The following RNF6 variants were observed in gnomAD, a reference collection of about 807,000 sequenced individuals.
RNF6 encodes the protein E3 ubiquitin-protein ligase RNF6.
A neutral mutation model predicts 50.1 loss-of-function variants in RNF6; 21 were observed. That is an observed-to-expected ratio of 0.42 (90% CI 0.30 to 0.60). RNF6 has a LOEUF of 0.60. Among genes scored for constraint, RNF6 ranks in the 20% least tolerant of loss-of-function variants. The pLI, the probability that RNF6 is intolerant of heterozygous loss-of-function variation, is 0.20. For synonymous variants in RNF6, 255 were observed against 291.8 expected (o/e 0.87, Z 1.29); for missense variants, 698 against 838.2 (o/e 0.83, Z 2.07).
At chr13:26,157,081 A>G (rs1871965817) in intron 5 of RNF6, among the ~76,000 whole-genome samples, 1 of 152,172 alleles carries the variant, frequency 6.6e-6, no homozygotes, top group South Asian at 2.1e-4. Context: ...GAAACGGGGA[A>G]TGACTGCTAG....
chr13:26,196,317 C>G (rs1166868845), intron 5 of RNF6, among the ~76,000 whole-genome samples: 1 of 152,046 alleles, frequency 6.6e-6, no homozygotes, highest in Non-Finnish European at 1.5e-5. Flanking sequence ...AATGCTATAT[C>G]CAACAACAAC....
At chr13:26,146,002 C>A (rs183245097) in intron 5 of RNF6, among the ~76,000 whole-genome samples, 142 of 152,314 alleles carry the variant, frequency 9.3e-4, no homozygotes, top group African/African-American at 3.2e-3. Flanking sequence ...CCATTGATCA[C>A]CTGACCTCTA....
intron 5 of RNF6, among the ~76,000 whole-genome samples, chr13:26,203,878 G>A (rs917775839): frequency 5.3e-5 from 8 of 152,256 alleles, no homozygotes; most frequent in African/African-American, 7.2e-5. Context: ...GCGTGAACCC[G>A]GGAGGCGGAG....
chr13:26,209,550 A>G (rs1455865547), downstream of RNF6, among the ~76,000 whole-genome samples: 1 of 152,218 alleles, frequency 6.6e-6, no homozygotes, highest in Non-Finnish European at 1.5e-5. Context: ...AGAAGTCACA[A>G]ACCTGATCAG....
intron 5 of RNF6, among the ~76,000 whole-genome samples, chr13:26,138,161 CA>C (rs1261792681): frequency 6.6e-6 from 1 of 152,152 alleles, no homozygotes; most frequent in East Asian, 1.9e-4. Flanking sequence ...GCTAATTTCT[CA>C]GCAGAAACTT....
In RNF6 at chr13:26,174,616, C is replaced by A. The variant is rs531222705; in HGVS notation, n.768+40858G>T. On this transcript the variant is annotated intron_variant and non_coding_transcript_variant, in intron 5 of 5. Transcript: ENST00000468480. ...AGGCGGAGACTCAAAAAAAAGAAAA[C>A]AAACCCCAAAATATTGAAACAAAGT... Among the ~76,000 whole-genome samples, 574 of 151,892 alleles carry A rather than the reference C, an allele frequency of 3.8e-3. 1 individual carries two copies. The highest frequency in any genetic ancestry group is 6.1e-3 in the Non-Finnish European group (412 of 67,934).
At chr13:26,189,243 G>A (rs1404706165) in intron 5 of RNF6, among the ~76,000 whole-genome samples, 3 of 151,976 alleles carry the variant, frequency 2.0e-5, no homozygotes, top group Admixed American at 6.6e-5. Flanking sequence ...CAGGAGAATC[G>A]CTTGAACCCG....
At chr13:26,168,148 A>G (rs979603184) in intron 5 of RNF6, among the ~76,000 whole-genome samples, 9 of 152,202 alleles carry the variant, frequency 5.9e-5, no homozygotes, top group African/African-American at 2.2e-4. Flanking sequence ...AATCCCCATG[A>G]CAAGAGTTTC....
At chr13:26,167,775 A>G (rs1480264600) in intron 5 of RNF6, among the ~76,000 whole-genome samples, 1 of 152,264 alleles carries the variant, frequency 6.6e-6, no homozygotes, top group Non-Finnish European at 1.5e-5. Flanking sequence ...ACTATTCATA[A>G]TAGCAAAGAC....
chr13:26,187,386 G>A (rs1431778121), intron 5 of RNF6, among the ~76,000 whole-genome samples: 1 of 152,244 alleles, frequency 6.6e-6, no homozygotes, highest in Non-Finnish European at 1.5e-5. Flanking sequence ...GATGTCCAGT[G>A]TGAGAATGTC....
chr13:26,214,222 C>T lies in RNF6; in HGVS notation c.1660G>A (p.Glu554Lys), dbSNP rs1421398633. ...GDSTEMHGEN[E>K]TTQPHTRNSD... ...TTTCGAGTATGAGGCTGGGTGGTCT[C>T]GTTTTCACCATGCATTTCAGTGCTG... Residue 554 changes from glutamate (E) to lysine (K), a missense_variant, in exon 5 of 5, where the codon GAG becomes AAG. Transcript: ENST00000381588. 6.2e-7 allele frequency: 1 copy of T among 1,614,148 alleles called. No homozygotes were observed. The highest frequency in any genetic ancestry group is 8.5e-7 in the Non-Finnish European group (1 of 1,180,034).
chr13:26,211,702 G>A (rs34068231), downstream of RNF6, among the ~76,000 whole-genome samples: 61,191 of 151,564 alleles, frequency 0.4, 14,008 homozygotes, highest in Middle Eastern at 0.52. Context: ...AGGTTGCAGC[G>A]AGCCGAGATA....
chr13:26,169,331 A>G (rs1593163065), intron 5 of RNF6, among the ~76,000 whole-genome samples: 1 of 152,166 alleles, frequency 6.6e-6, no homozygotes, highest in South Asian at 2.1e-4. Flanking sequence ...GGCAAGGAGT[A>G]GGGAAAGACG....
At chr13:26,194,885 A>G (rs1279486368) in intron 5 of RNF6, among the ~76,000 whole-genome samples, 1 of 152,118 alleles carries the variant, frequency 6.6e-6, no homozygotes, top group African/African-American at 2.4e-5. Flanking sequence ...CTGGCAGCTG[A>G]TTAGAAGGTG....
At position 26,212,948 on chromosome 13, in the gene RNF6, A is replaced by G. The variant is rs1830; in HGVS notation, c.*876T>C. The G allele has an allele frequency of 0.41, 62,743 of 152,178 alleles. 14,552 individuals are homozygous for G. The highest frequency in any genetic ancestry group is 0.52 in the Middle Eastern group (153 of 294). The allele number at this position is 152,178 out of a possible 1,614,324, so 9.4% of individuals were successfully genotyped here. ...TCTTTATAGACTTTTAGATTTTAAAACTAAATTTGAGAAACCATGCATACT... is the reference window on the plus strand; with the variant it reads ...TCTTTATAGACTTTTAGATTTTAAAGCTAAATTTGAGAAACCATGCATACT... On this transcript the variant is annotated 3_prime_UTR_variant, in exon 5 of 5. Coordinates refer to ENST00000381588, the MANE Select transcript of RNF6 (RefSeq NM_005977.4).
chr13:26,219,715 C>T, intron 2 of RNF6, 48 bp from the exon 3 acceptor site: 1 of 1,477,842 alleles, frequency 6.8e-7, no homozygotes, highest in Non-Finnish European at 9.1e-7. Flanking sequence ...TCATGGACCA[C>T]ATTTGGCTTT....
At chr13:26,167,857 A>C (rs1367738311) in intron 5 of RNF6, among the ~76,000 whole-genome samples, 1 of 152,252 alleles carries the variant, frequency 6.6e-6, no homozygotes, top group Non-Finnish European at 1.5e-5. Flanking sequence ...ATGGGATACT[A>C]TGCAGCCATA....
At chr13:26,143,878 T>A (rs301070) in intron 5 of RNF6, among the ~76,000 whole-genome samples, 1 of 152,060 alleles carries the variant, frequency 6.6e-6, no homozygotes, top group African/African-American at 2.4e-5. Flanking sequence ...CAATGTTGTA[T>A]GGAATACTAT....
At chr13:26,142,943 T>TAC (rs956295633) in intron 5 of RNF6, among the ~76,000 whole-genome samples, 5 of 151,832 alleles carry the variant, frequency 3.3e-5, no homozygotes, top group East Asian at 3.9e-4. Context: ...AAGAAAACAA[T>TAC]ACACACACAC....
Sources: gnomAD v4.1 joint callset for allele counts (sites outside exome capture counted in the v4.1 genomes callset) on GRCh38, gnomAD v4.1.1 for gene constraint, MANE v1.5 for transcripts, NCBI Gene and HGNC (gene_info 2026-07-23, HGNC 2026-07-21) for gene names.